PIP4P1: variants seen among roughly 807,000 people sequenced by gnomAD.
PIP4P1 encodes the protein type 1 phosphatidylinositol 4,5-bisphosphate 4-phosphatase.
Under a neutral mutation model 32.3 loss-of-function variants are expected in PIP4P1, and 14 were observed. The ratio of observed to expected loss-of-function variants is 0.43; its 90% confidence interval spans 0.29 to 0.68. PIP4P1 has a LOEUF of 0.68. Among genes scored for constraint, PIP4P1 ranks in the 30% least tolerant of loss-of-function variants. PIP4P1 has a pLI of 0.15. For missense variants in PIP4P1, 289 were observed against 364.5 expected (o/e 0.79, Z 1.69); for synonymous variants, 132 against 137.9 (o/e 0.96, Z 0.30).
intron 4 of PIP4P1, 80 bp from the exon 5 acceptor site, chr14:20,459,520 G>A: frequency 6.3e-7 from 1 of 1,584,456 alleles, no homozygotes; most frequent in South Asian, 1.1e-5. Flanking sequence ...TGCAGAACAT[G>A]TTCCCATAGG....
Position 20,461,280 on chromosome 14 carries a change from C to T in PIP4P1, c.46G>A (p.Asp16Asn). The T allele has an allele frequency of 1.6e-6, 2 of 1,288,892 alleles. No homozygotes were observed. 79.8% of individuals were successfully genotyped at this position (1,288,892 alleles called of 1,614,324 possible). A position where few individuals can be genotyped will look rare whatever the true frequency, so the allele number is the denominator to read the frequency against. Residue 16 changes from aspartate (D) to asparagine (N), a missense_variant, in exon 1 of 7, where the codon GAC becomes AAC. Physicochemically the swap from Asp to Asn is conservative, Grantham distance 23 (BLOSUM62 1). Transcript: ENST00000250489. Reference sequence around the variant, plus strand: ...AAACCGTTGCCGCCCGCGCCACCGTCGATGGGCTCAGACAGCAGCGGGGAA... The same window carrying T: ...AAACCGTTGCCGCCCGCGCCACCGTTGATGGGCTCAGACAGCAGCGGGGAA... The part of the protein sequence containing the change: ...ERSPLLSEPI[D>N]GGAGGNGLVG...
chr14:20,461,130 C>G (rs1011307177), intron 1 of PIP4P1, 54 bp downstream of exon 1: 10 of 1,268,298 alleles, frequency 7.9e-6, no homozygotes, highest in Non-Finnish European at 1.0e-5. Flanking sequence ...TTCAGAGTAC[C>G]CCGGGGAGCA....
At position 20,458,469 on chromosome 14, in the gene PIP4P1, G is replaced by T; in HGVS notation, c.*90C>A. On this transcript the variant is annotated 3_prime_UTR_variant, in exon 7 of 7. Transcript: ENST00000250489. ...GCAGCTGCTTGGCTTCCTTCTAGAA[G>T]CCCCGGGAGCCTTTAACTACCCCAG... 7 of 1,579,460 alleles carry T rather than the reference G, an allele frequency of 4.4e-6. No individual in the cohort carries two copies. Among genetic ancestry groups the T allele is most frequent in the Non-Finnish European group, 5.2e-6 (6 of 1,158,732 alleles).
At position 20,458,717 on chromosome 14, in the gene PIP4P1, G is replaced by A; in HGVS notation, c.691-15C>T. ...CATGTGCCAAACTGATGAAGATAAG[G>A]AGGGAGAAGAAAAGAAAGATGGGGT... is the stretch of plus-strand genomic sequence containing the variant. On this transcript the variant is annotated splice_polypyrimidine_tract_variant and intron_variant, in intron 6 of 6. Coordinates refer to ENST00000250489, the MANE Select transcript of PIP4P1 (RefSeq NM_144568.4). 6.2e-7 allele frequency: 1 copy of A among 1,605,868 alleles called. No individual in the cohort carries two copies. Among genetic ancestry groups the A allele is most frequent in the Non-Finnish European group, 8.5e-7 (1 of 1,176,750 alleles).
At chr14:20,461,039 C>G (rs1881687412) in intron 1 of PIP4P1, 145 bp downstream of exon 1, 1 of 1,276,746 alleles carries the variant, frequency 7.8e-7, no homozygotes, top group Non-Finnish European at 1.0e-6. Context: ...GGAAGGAAGC[C>G]TCGCCCAGTC....
rs769824117 is a variant in PIP4P1 at position 20,458,195 on chromosome 14, C to T, written c.*364G>A. Reference sequence around the variant, plus strand: ...TAATGGTGCACAAGAGGGAGGGGAACCCCCAGGGCTACCCACCCCCACCCT... The same window carrying T: ...TAATGGTGCACAAGAGGGAGGGGAATCCCCAGGGCTACCCACCCCCACCCT... On this transcript the variant is annotated 3_prime_UTR_variant, in exon 7 of 7. Transcript: ENST00000250489. The T allele has an allele frequency of 6.8e-6, 3 of 440,420 alleles. No individual in the cohort carries two copies. Among genetic ancestry groups the T allele is most frequent in the Non-Finnish European group, 8.9e-6 (2 of 224,570 alleles). The allele number at this position is 440,420 out of a possible 1,614,324, so 27.3% of individuals were successfully genotyped here.
chr14:20,459,519 T>C, intron 4 of PIP4P1, 79 bp from the exon 5 acceptor site: 1 of 1,589,476 alleles, frequency 6.3e-7, no homozygotes, highest in Non-Finnish European at 8.6e-7. Context: ...ATGCAGAACA[T>C]GTTCCCATAG....
rs553873319 is a variant in PIP4P1, at chr14:20,457,781, C to T, written c.*778G>A. ...GCCATAGTTTCAGCCTTGCTGTCTT[C>T]GTGTCTTACCCCTTCGTGGGGCTAC... On this transcript the variant is annotated 3_prime_UTR_variant, in exon 7 of 7. Transcript: ENST00000250489. 35 of 500,092 alleles carry T rather than the reference C, an allele frequency of 7.0e-5. No homozygotes were observed. The highest frequency in any genetic ancestry group is 6.2e-4 in the African/African-American group (32 of 51,758). The allele number at this position is 500,092 out of a possible 1,614,324, so 31.0% of individuals were successfully genotyped here. A position where few individuals can be genotyped will look rare whatever the true frequency, so the allele number is the denominator to read the frequency against.
Position 20,461,362 on chromosome 14 carries a change from C to G in PIP4P1, c.-37G>C. The G allele has an allele frequency of 8.0e-7, 1 of 1,253,404 alleles. No homozygotes were observed. The highest frequency in any genetic ancestry group is 3.8e-5 in the South Asian group (1 of 26,608). The allele number at this position is 1,253,404 out of a possible 1,614,324, so 77.6% of individuals were successfully genotyped here. On this transcript the variant is annotated 5_prime_UTR_variant, in exon 1 of 7. Coordinates refer to ENST00000250489, the MANE Select transcript of PIP4P1 (RefSeq NM_144568.4). The stretch of plus-strand genomic sequence containing the variant: ...CCGCCTCCCGCTCAGGTCGGCGATC[C>G]GGCTCCCTTCGCCTCTGCCGTCGCC...
At position 20,457,749 on chromosome 14, in the gene PIP4P1, A is replaced by G; in HGVS notation, c.*810T>C. 1.8e-6 allele frequency: 1 copy of G among 569,668 alleles called. No individual in the cohort carries two copies. Among genetic ancestry groups the G allele is most frequent in the Admixed American group, 3.1e-5 (1 of 32,482 alleles). The allele number at this position is 569,668 out of a possible 1,614,324, so 35.3% of individuals were successfully genotyped here. ...CTTTGTTTGAATTATCCACATGAAAATAAAGAGCCATAGTTTCAGCCTTGC... is the reference window on the plus strand; with the variant it reads ...CTTTGTTTGAATTATCCACATGAAAGTAAAGAGCCATAGTTTCAGCCTTGC... On this transcript the variant is annotated 3_prime_UTR_variant, in exon 7 of 7. Transcript: ENST00000250489.
intron 4 of PIP4P1, 80 bp from the exon 5 acceptor site, chr14:20,459,520 G>GGACA (rs1881618223): frequency 4.4e-6 from 7 of 1,584,338 alleles, no homozygotes; most frequent in Non-Finnish European, 4.3e-6. Context: ...TGCAGAACAT[G>GGACA]TTCCCATAGG....
chr14:20,461,166 G>C lies in PIP4P1; in HGVS notation c.142+18C>G, dbSNP rs566986548. 4.8e-6 allele frequency: 6 copies of C among 1,261,830 alleles called. No individual in the cohort carries two copies. The East Asian group carries it at 1.9e-4, about 40-fold the overall frequency. 78.2% of individuals were successfully genotyped at this position (1,261,830 alleles called of 1,614,324 possible). ...CCTCGGACCCGCCCCGGCTTACCCT[G>C]GGGCGGGGCATGTTTACCGGCTCCG... On this transcript the variant is annotated intron_variant, in intron 1 of 6. Coordinates refer to ENST00000250489, the MANE Select transcript of PIP4P1 (RefSeq NM_144568.4).
Position 20,458,471 on chromosome 14 carries a change from C to T in PIP4P1, c.*88G>A. The T allele has an allele frequency of 6.3e-7, 1 of 1,584,968 alleles. No individual in the cohort carries two copies. ...AGCTGCTTGGCTTCCTTCTAGAAGCCCCGGGAGCCTTTAACTACCCCAGCT... is the reference window on the plus strand; with the variant it reads ...AGCTGCTTGGCTTCCTTCTAGAAGCTCCGGGAGCCTTTAACTACCCCAGCT... On this transcript the variant is annotated 3_prime_UTR_variant, in exon 7 of 7. Transcript: ENST00000250489.
At chr14:20,460,536 T>G in intron 2 of PIP4P1, 119 bp downstream of exon 2, 1 of 1,102,430 alleles carries the variant, frequency 9.1e-7, no homozygotes, top group Non-Finnish European at 1.3e-6. Flanking sequence ...CACCTGGAAC[T>G]GAAACCTGGG....
intron 1 of PIP4P1, 127 bp downstream of exon 1, chr14:20,461,057 C>T: frequency 1.6e-6 from 2 of 1,281,834 alleles, no homozygotes; most frequent in Non-Finnish European, 2.0e-6. Context: ...GTCACAGGTG[C>T]AGCAGTCCCG....
At chr14:20,459,098 A>G (rs932988909) in intron 6 of PIP4P1, 108 bp downstream of exon 6, 1 of 1,192,062 alleles carries the variant, frequency 8.4e-7, no homozygotes, top group Non-Finnish European at 1.2e-6. Flanking sequence ...AACAAAACAA[A>G]CTAGTCCCCC....
chr14:20,460,522 G>A, intron 2 of PIP4P1, 133 bp downstream of exon 2: 1 of 953,134 alleles, frequency 1.0e-6, no homozygotes, highest in Non-Finnish European at 1.5e-6. Context: ...ATGGCTGTGT[G>A]AGACACCTGG....
At chr14:20,460,379 C>G in intron 2 of PIP4P1, 81 bp from the exon 3 acceptor site, 1 of 1,062,760 alleles carries the variant, frequency 9.4e-7, no homozygotes, top group Non-Finnish European at 1.4e-6. Flanking sequence ...TTTATGAGAT[C>G]AGAAAAATAA....
Position 20,460,233 on chromosome 14 carries a change from G to A in PIP4P1, c.399C>T (p.Cys133=). ...ATGCAATCCGTTGGGATGTCACTTT[G>A]CAGATAAGGAGACAGTTACAGGGGC... ...VRCPCNCLLI[C]KVTSQRIACP... is the part of the protein sequence containing the mutation. Residue 133 remains cysteine, a synonymous_variant, in exon 3 of 7, where the codon TGC becomes TGT. Coordinates refer to ENST00000250489, the MANE Select transcript of PIP4P1 (RefSeq NM_144568.4). 1.2e-6 allele frequency: 2 copies of A among 1,614,128 alleles called. No homozygotes were observed. The highest frequency in any genetic ancestry group is 1.7e-6 in the Non-Finnish European group (2 of 1,180,014).
Sources: allele counts gnomAD v4.1 joint callset, GRCh38; gene constraint gnomAD v4.1.1; transcripts MANE v1.5; gene names NCBI Gene and HGNC (gene_info 2026-07-23, HGNC 2026-07-21).